DHX35: variants seen among roughly 807,000 people sequenced by gnomAD.
DHX35 encodes DEAH-box helicase 35.
A neutral mutation model predicts 99.6 loss-of-function variants in DHX35; 84 were observed. The ratio of observed to expected loss-of-function variants is 0.84; its 90% CI spans 0.71 to 1.01. The LOEUF is 1.01. DHX35 is among the 50% of genes least tolerant of loss of function. The probability of loss-of-function intolerance (pLI) is 0.00; values close to 1 mark genes in which losing one functional copy is unlikely to be tolerated. For missense variants in DHX35, 852 were observed against 888.5 expected, an observed-to-expected ratio of 0.96 and a Z score of 0.52; for synonymous variants, 331 against 316.2, an observed-to-expected ratio of 1.05 and a Z score of -0.50.
chr20:38,996,051 C>G (rs2086424035), intron 8 of DHX35, among the ~76,000 whole-genome samples: 1 of 152,210 alleles, frequency 6.6e-6, no homozygotes. Flanking sequence ...AGGCATGCTT[C>G]TGCTCTGGAG....
rs1318097385 is a variant in DHX35, at chr20:39,028,449, C to T, written c.1833C>T (p.Val611=). The T allele has an allele frequency of 6.2e-7, 1 of 1,614,228 alleles. No homozygotes were observed. Among genetic ancestry groups the T allele is most frequent in the South Asian group, 1.1e-5 (1 of 91,080 alleles). ...CGGATCTGGTTCTGAGGTGCATTGTCTCCGGCTTCTTCGCCAATGCAGCGA... is the reference window on the plus strand; with the variant it reads ...CGGATCTGGTTCTGAGGTGCATTGTTTCCGGCTTCTTCGCCAATGCAGCGA... The part of the protein sequence containing the change: ...GDPDLVLRCI[V]SGFFANAARF... The change falls in exon 19 of 22, where the codon GTC becomes GTT. Residue 611 remains valine, a synonymous_variant. Transcript: ENST00000252011.
chr20:38,971,346 C>A (rs2085993436), intron 2 of DHX35, among the ~76,000 whole-genome samples: 1 of 152,126 alleles, frequency 6.6e-6, no homozygotes, highest in African/African-American at 2.4e-5. Flanking sequence ...GAGCGAGACT[C>A]CATCTCAAAA....
At position 39,006,348 on chromosome 20, in the gene DHX35, T is replaced by G. The variant is rs1256538724; in HGVS notation, c.1214T>G (p.Leu405Arg). Residue 405 changes from leucine to arginine, a missense_variant, in exon 12 of 22, where the codon CTT (leucine) becomes CGT (arginine). Transcript: ENST00000252011. ...AGTCGCTCGGGAAAATGTTATCGCC[T>G]TTATACAGGTTAGTGTGGCTTTCCC... ...GRSRSGKCYR[L>R]YTEEAFDKLP... 6.2e-7 allele frequency: 1 copy of G among 1,613,922 alleles called. No homozygotes were observed. The highest frequency in any genetic ancestry group is 8.5e-7 in the Non-Finnish European group (1 of 1,179,934).
chr20:38,985,957 T>C (rs1002608089), intron 4 of DHX35, among the ~76,000 whole-genome samples: 3 of 152,198 alleles, frequency 2.0e-5, no homozygotes, highest in Admixed American at 6.5e-5. Context: ...TGAGAGGCAA[T>C]TAGTAGTGAG....
chr20:38,962,940 T>G (rs2085857128), intron 1 of DHX35: 1 of 153,228 alleles, frequency 6.5e-6, no homozygotes, highest in South Asian at 2.0e-4. Context: ...GCTGTGGGCT[T>G]AAATGACAAG....
chr20:38,969,562 A>G (rs1202162718), intron 2 of DHX35, among the ~76,000 whole-genome samples: 2 of 152,166 alleles, frequency 1.3e-5, no homozygotes, highest in Non-Finnish European at 2.9e-5. Flanking sequence ...CATATGGCCA[A>G]TTTTTGCTTT....
chr20:38,980,638 TAC>T (rs2145853827), intron 3 of DHX35, among the ~76,000 whole-genome samples: 1 of 152,246 alleles, frequency 6.6e-6, no homozygotes, highest in East Asian at 1.9e-4. Flanking sequence ...CTTTGTTTCT[TAC>T]AGTCATTTTC....
intron 21 of DHX35, among the ~76,000 whole-genome samples, chr20:39,035,253 G>T (rs2087129769): frequency 6.6e-6 from 1 of 151,496 alleles, no homozygotes; most frequent in African/African-American, 2.4e-5. Flanking sequence ...TGTATTTTTA[G>T]TAGAGACAGG....
At chr20:39,001,181 G>A (rs80012350) in intron 8 of DHX35, among the ~76,000 whole-genome samples, 70 of 152,260 alleles carry the variant, frequency 4.6e-4, no homozygotes, top group Non-Finnish European at 8.7e-4. Context: ...ACAAAGCCTC[G>A]CACTCACTAC....
rs764973362 is a variant in DHX35 at position 39,025,373 on chromosome 20, G to A, written c.1801+14G>A. On this transcript the variant is annotated intron_variant, in intron 18 of 21. Coordinates refer to ENST00000252011, the MANE Select transcript of DHX35 (RefSeq NM_021931.4). Reference sequence around the variant, plus strand: ...AGTCTAGTGAAGGTGAGAAGAAACCGTCCCAGCTGGTGACCTCCCTTGCTT... The same window carrying A: ...AGTCTAGTGAAGGTGAGAAGAAACCATCCCAGCTGGTGACCTCCCTTGCTT... 6.8e-6 allele frequency: 11 copies of A among 1,611,062 alleles called. No individual in the cohort carries two copies. In the South Asian group the frequency reaches 8.8e-5, roughly 13 times the overall value.
At chr20:39,020,320 CCTA>C (rs2086853290) in intron 15 of DHX35, among the ~76,000 whole-genome samples, 1 of 152,070 alleles carries the variant, frequency 6.6e-6, no homozygotes, top group Non-Finnish European at 1.5e-5. Flanking sequence ...GAGGTAGTGC[CCTA>C]CTATTTTCCA....
intron 2 of DHX35, among the ~76,000 whole-genome samples, chr20:38,972,006 T>G (rs1353701719): frequency 1.1e-5 from 1 of 88,938 alleles, no homozygotes; most frequent in Non-Finnish European, 2.3e-5. Flanking sequence ...TTTGTTTTGT[T>G]TTTTTTTTTT....
chr20:39,038,752 A>G lies in DHX35; in HGVS notation c.*209A>G. The G allele has an allele frequency of 3.3e-6, 2 of 600,446 alleles. No individual in the cohort carries two copies. Among genetic ancestry groups the G allele is most frequent in the South Asian group, 4.0e-5 (2 of 50,546 alleles). 37.2% of individuals were successfully genotyped at this position (600,446 alleles called of 1,614,324 possible). A position where few individuals can be genotyped will look rare whatever the true frequency, so the allele number is the denominator to read the frequency against. ...ATCCTGGAGGACTTTGTGCATGGGC[A>G]GGCATCCTTCTGTGCTGCAGCGGGC... On this transcript the variant is annotated 3_prime_UTR_variant, in exon 22 of 22. Transcript: ENST00000252011.
At position 39,002,660 on chromosome 20, in the gene DHX35, C is replaced by T. The variant is rs2086540384; in HGVS notation, c.756-112C>T. On this transcript the variant is annotated intron_variant, in intron 9 of 21. Coordinates refer to ENST00000252011, the MANE Select transcript of DHX35 (RefSeq NM_021931.4). ...TTGTTTATCCTGTACTAATTACCTA[C>T]TGGGCAGGCCCAAACTCACTTTGAT... is the stretch of plus-strand genomic sequence containing the variant. 3.8e-6 allele frequency: 3 copies of T among 788,906 alleles called. No individual in the cohort carries two copies. The African/African-American group carries it at 5.2e-5, about 14-fold the overall frequency. The allele number at this position is 788,906 out of a possible 1,614,324, so 48.9% of individuals were successfully genotyped here.
chr20:38,983,898 TTA>T, intron 4 of DHX35, 122 bp downstream of exon 4: 1 of 802,132 alleles, frequency 1.2e-6, no homozygotes, highest in East Asian at 2.7e-5. Flanking sequence ...TCTTCAGTTT[TTA>T]TGTTTTTTTT....
Position 38,988,800 on chromosome 20 carries a change from T to C in DHX35, c.346-13T>C. 6.2e-7 allele frequency: 1 copy of C among 1,613,458 alleles called. No homozygotes were observed. Among genetic ancestry groups the C allele is most frequent in the Non-Finnish European group, 8.5e-7 (1 of 1,179,620 alleles). On this transcript the variant is annotated splice_polypyrimidine_tract_variant and intron_variant, in intron 4 of 21. Transcript: ENST00000252011. The stretch of plus-strand genomic sequence containing the variant: ...CTATGTCTCTATTTTCAGCATGATC[T>C]TTCTTCCCAAAGGTTGCAGGGAGAG...
chr20:38,989,100 T>TTC (rs1035169574), intron 5 of DHX35, among the ~76,000 whole-genome samples, 183 bp downstream of exon 5: 22 of 136,532 alleles, frequency 1.6e-4, no homozygotes, highest in Non-Finnish European at 2.7e-4. Flanking sequence ...CTTTTTTCTT[T>TTC]TTTTTTTTTT....
At chr20:38,993,060 C>T (rs765065828) in intron 7 of DHX35, among the ~76,000 whole-genome samples, 30 of 152,294 alleles carry the variant, frequency 2.0e-4, no homozygotes, top group Admixed American at 5.2e-4. Flanking sequence ...TCCTCCCTTC[C>T]CATATTTTCT....
chr20:39,018,863 T>C lies in DHX35; in HGVS notation c.1462T>C (p.Leu488=). 6.2e-7 allele frequency: 1 copy of C among 1,614,118 alleles called. No individual in the cohort carries two copies. Among genetic ancestry groups the C allele is most frequent in the Non-Finnish European group, 8.5e-7 (1 of 1,180,000 alleles). The change falls in exon 15 of 22, where the codon TTG becomes CTG. Residue 488 remains leucine, a synonymous_variant. Coordinates refer to ENST00000252011, the MANE Select transcript of DHX35 (RefSeq NM_021931.4). The part of the protein sequence containing the change: ...PLGMRIAEFP[L]NPMFAKMLLE... ...TGGCATGAGAATTGCAGAGTTTCCT[T>C]TGAATCCCATGTTTGCCAAAATGCT...
Sources: gnomAD v4.1 joint callset for allele counts (sites outside exome capture counted in the v4.1 genomes callset) on GRCh38, gnomAD v4.1.1 for gene constraint, MANE v1.5 for transcripts, NCBI Gene and HGNC (gene_info 2026-07-23, HGNC 2026-07-21) for gene names.